CYFIP1: variants seen among roughly 807,000 people sequenced by gnomAD.
CYFIP1 encodes the protein cytoplasmic FMR1-interacting protein 1.
CYFIP1 carries 58 observed loss-of-function variants against 163.5 expected under a neutral mutation model. That is an observed-to-expected ratio of 0.35 (90% confidence interval 0.29 to 0.44). The LOEUF (loss-of-function observed/expected upper bound fraction) is 0.44, where lower values mean the gene tolerates loss of function less well. CYFIP1 is among the 20% of genes least tolerant of loss of function. The pLI is 1.00. For synonymous variants in CYFIP1, 663 were observed against 660.7 expected (o/e 1.00, Z -0.05); for missense variants, 1,338 against 1,653.8 (o/e 0.81, Z 3.31).
Position 22,922,257 on chromosome 15 carries a change from T to C in CYFIP1, c.1360-3399A>G, listed in dbSNP as rs898490509. 1.1e-4 allele frequency among the ~76,000 whole-genome samples: 17 copies of C among 152,174 alleles called. 1 individual carries two copies. Among genetic ancestry groups the C allele is most frequent in the African/African-American group, 3.9e-4 (16 of 41,442 alleles). On this transcript the variant is annotated intron_variant, in intron 13 of 30. Transcript: ENST00000617928. Reference sequence around the variant, plus strand: ...CAAGGTGACTAATAGTGACCTCCTGTGTGTGTTTTGAGGACCTAGAGTCTG... The same window carrying C: ...CAAGGTGACTAATAGTGACCTCCTGCGTGTGTTTTGAGGACCTAGAGTCTG...
In CYFIP1 at chr15:22,963,903, C is replaced by G. The variant is rs145073572; in HGVS notation, c.-7+16384G>C. On this transcript the variant is annotated intron_variant, in intron 1 of 30. Coordinates refer to ENST00000617928, the MANE Select transcript of CYFIP1 (RefSeq NM_014608.6). ...AGGACCTTCCAGGCCCAGTCAGCCC[C>G]GGGAATAAACATCAGTGTTATAATC... is the stretch of plus-strand genomic sequence containing the variant. Among the ~76,000 whole-genome samples, 41 of 152,134 alleles carry G rather than the reference C, an allele frequency of 2.7e-4. No individual in the cohort carries two copies. The East Asian group carries it at 7.5e-3, about 28-fold the overall frequency.
chr15:22,893,105 A>G, intron 22 of CYFIP1, 128 bp from the exon 23 acceptor site: 1 of 668,412 alleles, frequency 1.5e-6, no homozygotes, highest in Non-Finnish European at 2.6e-6. Context: ...ATCAAATAGG[A>G]AAATTCTAGT....
intron 25 of CYFIP1, among the ~76,000 whole-genome samples, chr15:22,881,059 C>T (rs1022240888): frequency 6.6e-6 from 1 of 152,180 alleles, no homozygotes; most frequent in African/African-American, 2.4e-5. Context: ...GCTACTTCCC[C>T]ATGGTGGCTG....
intron 1 of CYFIP1, among the ~76,000 whole-genome samples, chr15:22,965,375 C>T (rs1454714109): frequency 1.3e-5 from 2 of 152,204 alleles, no homozygotes; most frequent in African/African-American, 4.8e-5. Context: ...AGGAGAATTG[C>T]TTGAACCTGG....
chr15:22,872,722 C>A (rs764228216), intron 30 of CYFIP1, 103 bp downstream of exon 30: 1 of 1,211,712 alleles, frequency 8.3e-7, no homozygotes, highest in East Asian at 2.4e-5. Flanking sequence ...TGGCACCTTA[C>A]GTACTAGGAT....
At chr15:22,903,486 G>A (rs949549413) in intron 22 of CYFIP1, among the ~76,000 whole-genome samples, 10 of 152,156 alleles carry the variant, frequency 6.6e-5, no homozygotes, top group Non-Finnish European at 1.3e-4. Flanking sequence ...GCAGCCCCAC[G>A]CAAGCCCCAC....
In CYFIP1 at chr15:22,943,156, G is replaced by A. The variant is rs373482707; in HGVS notation, c.569+17C>T. 9.9e-5 allele frequency: 160 copies of A among 1,611,804 alleles called. 1 individual carries two copies. The highest frequency in any genetic ancestry group is 6.9e-4 in the South Asian group (63 of 90,894). On this transcript the variant is annotated intron_variant, in intron 6 of 30. Coordinates refer to ENST00000617928, the MANE Select transcript of CYFIP1 (RefSeq NM_014608.6). ...GTGCTCTCGGGAGGGCCCGCAGTGC[G>A]CGAGGTGGGTGCTCACCTCTTGTAC...
In CYFIP1 at chr15:22,917,394, C is replaced by T. The variant is rs2061024251; in HGVS notation, c.1674+394G>A. On this transcript the variant is annotated intron_variant, in intron 15 of 30. Transcript: ENST00000617928. This position sits in a 1 kb window ranked among gnomAD's most constrained non-coding sequence, Gnocchi z 4.2. ...CAGTGGGCAGCTTAGGACCATGACA[C>T]ACGCAAGCAGCACCTCACAGTTTCC... The T allele has an allele frequency of 1.6e-5, 14 of 882,864 alleles. No homozygotes were observed. The South Asian group carries it at 3.4e-4, about 21-fold the overall frequency. The allele number at this position is 882,864 out of a possible 1,614,324, so 54.7% of individuals were successfully genotyped here.
intron 1 of CYFIP1, among the ~76,000 whole-genome samples, chr15:22,964,136 G>A (rs1463289656): frequency 2.7e-5 from 4 of 149,822 alleles, no homozygotes; most frequent in African/African-American, 7.4e-5. Flanking sequence ...GAGCTATTAC[G>A]CATATGTATC....
chr15:22,916,835 G>A, intron 15 of CYFIP1: 2 of 1,554,658 alleles, frequency 1.3e-6, no homozygotes, highest in Non-Finnish European at 1.7e-6. Context: ...TAGCGGAGCA[G>A]TTCGCCTCCG....
chr15:22,933,989 G>A (rs2142240723), intron 9 of CYFIP1, 96 bp from the exon 10 acceptor site: 4 of 778,048 alleles, frequency 5.1e-6, no homozygotes, highest in African/African-American at 1.7e-5. Context: ...AATTACTTCG[G>A]CTTGAATGCT....
intron 18 of CYFIP1, among the ~76,000 whole-genome samples, 159 bp from the exon 19 acceptor site, chr15:22,910,972 C>T (rs1323431590): frequency 2.6e-5 from 4 of 151,530 alleles, no homozygotes; most frequent in African/African-American, 9.7e-5. Context: ...CGCAGTAGTG[C>T]GATCTTGGCT....
chr15:22,918,322 C>T (rs1333693351), intron 14 of CYFIP1, among the ~76,000 whole-genome samples: 3 of 152,116 alleles, frequency 2.0e-5, no homozygotes, highest in African/African-American at 7.2e-5. Context: ...AAGTCACCCA[C>T]ATGACCAGAG....
At position 22,910,744 on chromosome 15, in the gene CYFIP1, C is replaced by A; in HGVS notation, c.2152G>T (p.Ala718Ser). The change falls in exon 19 of 31, where the codon GCA becomes TCA. Residue 718 changes from alanine to serine, a missense_variant. Around this residue, in one of 4 missense-constraint regions of CYFIP1, gnomAD observed 824 missense variants for 995.7 expected, o/e 0.83. Transcript: ENST00000617928. ...CACACACCAGATACTCACCTTCCTGCCATAACCTTATAATAGGCAAATATC... is the reference window on the plus strand; with the variant it reads ...CACACACCAGATACTCACCTTCCTGACATAACCTTATAATAGGCAAATATC... ...DQIFAYYKVM[A>S]GSLLLDKRLR... 2 of 1,613,536 alleles carry A rather than the reference C, an allele frequency of 1.2e-6. No homozygotes were observed. Among genetic ancestry groups the A allele is most frequent in the Non-Finnish European group, 1.7e-6 (2 of 1,179,458 alleles).
chr15:22,955,642 C>T lies in CYFIP1; in HGVS notation c.-6-8351G>A, dbSNP rs548141562. Among the ~76,000 whole-genome samples the T allele has an allele frequency of 3.9e-5, 6 of 152,310 alleles. No individual in the cohort carries two copies. In the South Asian group the frequency reaches 1.2e-3, roughly 32 times the overall value. On this transcript the variant is annotated intron_variant, in intron 1 of 30. Coordinates refer to ENST00000617928, the MANE Select transcript of CYFIP1 (RefSeq NM_014608.6). ...AAGGCAAAGGAGGCATGCACCAGTG[C>T]TTCCACCAACTAGAAAACGGGCAGA...
At chr15:22,900,573 G>A (rs988800535) in intron 22 of CYFIP1, among the ~76,000 whole-genome samples, 1 of 151,734 alleles carries the variant, frequency 6.6e-6, no homozygotes, top group Admixed American at 6.6e-5. Context: ...TAATTTTTTT[G>A]TATTGTTTTA....
intron 23 of CYFIP1, among the ~76,000 whole-genome samples, chr15:22,883,253 G>C (rs1016329331): frequency 6.6e-6 from 1 of 152,166 alleles, no homozygotes; most frequent in East Asian, 1.9e-4. Flanking sequence ...TTGTTGAATA[G>C]CCGACTCGCT....
intron 1 of CYFIP1, among the ~76,000 whole-genome samples, chr15:22,947,660 G>A (rs1213693132): frequency 3.9e-5 from 6 of 152,258 alleles, no homozygotes; most frequent in Admixed American, 3.3e-4. Context: ...GTGCTGGAGG[G>A]GCAGCACCTC....
intron 8 of CYFIP1, among the ~76,000 whole-genome samples, chr15:22,937,415 A>G (rs1239305434): frequency 6.6e-6 from 1 of 152,124 alleles, no homozygotes; most frequent in East Asian, 1.9e-4. Flanking sequence ...CTGGGCTTCC[A>G]GGTCAGTCGC....
Sources: allele counts gnomAD v4.1 joint callset (sites outside exome capture counted in the v4.1 genomes callset), GRCh38; gene constraint gnomAD v4.1.1; regional missense constraint gnomAD v4.1.1; non-coding constraint Gnocchi (gnomAD v3.1); transcripts MANE v1.5; gene names NCBI Gene and HGNC (gene_info 2026-07-23, HGNC 2026-07-21).